GPM6A: variants seen among roughly 807,000 people sequenced by gnomAD.
GPM6A encodes neuronal membrane glycoprotein M6-a.
A neutral mutation model predicts 32.1 loss-of-function variants in GPM6A; 7 were observed. That is an observed-to-expected ratio of 0.22 (90% CI 0.12 to 0.41). The LOEUF (loss-of-function observed/expected upper bound fraction) is 0.41, where lower values mean the gene tolerates loss of function less well. GPM6A is among the 10% of genes least tolerant of loss of function. The pLI is 1.00. For synonymous variants in GPM6A, 130 were observed against 123.4 expected, an observed-to-expected ratio of 1.05 and a Z score of -0.35; for missense variants, 235 against 347.2, an observed-to-expected ratio of 0.68 and a Z score of 2.57.
In GPM6A at chr4:175,895,281, C is replaced by G. The variant is rs61142352; in HGVS notation, c.-22-83032G>C. ...AAGGGCTGGAATAAACTAAATGACTCCATTTGGTTGCTATAAAGAATACGT... is the reference window on the plus strand; with the variant it reads ...AAGGGCTGGAATAAACTAAATGACTGCATTTGGTTGCTATAAAGAATACGT... On this transcript the variant is annotated intron_variant, in intron 1 of 7. Transcript: ENST00000280187. Among the ~76,000 whole-genome samples the G allele has an allele frequency of 4.9e-3, 749 of 152,040 alleles. 5 individuals carry two copies. The highest frequency in any genetic ancestry group is 0.017 in the African/African-American group (716 of 41,472).
chr4:175,897,609 C>T (rs1737837270), intron 1 of GPM6A, among the ~76,000 whole-genome samples: 1 of 152,060 alleles, frequency 6.6e-6, no homozygotes, highest in East Asian at 1.9e-4. Flanking sequence ...TTATTTCTTG[C>T]TTAAACTGTA....
At chr4:175,680,747 T>G (rs892559627) in intron 2 of GPM6A, among the ~76,000 whole-genome samples, 2 of 152,220 alleles carry the variant, frequency 1.3e-5, no homozygotes, top group Admixed American at 1.3e-4. Flanking sequence ...GATCCTTGAT[T>G]ATCTTTACTG....
intron 1 of GPM6A, among the ~76,000 whole-genome samples, chr4:175,870,848 A>G (rs1342227109): frequency 6.6e-6 from 1 of 152,166 alleles, no homozygotes; most frequent in African/African-American, 2.4e-5. Flanking sequence ...AGTCCTCTCT[A>G]TAAAACAGGG....
intron 2 of GPM6A, among the ~76,000 whole-genome samples, chr4:175,687,674 CTT>C (rs1444632153): frequency 1.3e-5 from 2 of 152,060 alleles, no homozygotes; most frequent in African/African-American, 4.8e-5. Context: ...GATATGAACT[CTT>C]TTGTATTAAT....
chr4:175,669,753 C>T (rs1351465435), intron 3 of GPM6A, among the ~76,000 whole-genome samples: 2 of 152,074 alleles, frequency 1.3e-5, no homozygotes, highest in Middle Eastern at 3.2e-3. Flanking sequence ...CAGAGATTGA[C>T]CTTATTGCTC....
upstream of GPM6A, among the ~76,000 whole-genome samples, chr4:175,815,209 T>G (rs1476642861): frequency 6.6e-6 from 1 of 152,090 alleles, no homozygotes; most frequent in Non-Finnish European, 1.5e-5. Flanking sequence ...CCGGGTTGGT[T>G]TCACCATGTT....
chr4:175,687,859 G>T (rs531724201), intron 2 of GPM6A, among the ~76,000 whole-genome samples: 9 of 152,100 alleles, frequency 5.9e-5, no homozygotes, highest in African/African-American at 2.2e-4. Context: ...GTCTTATTTT[G>T]TTGTTTGTAA....
intron 1 of GPM6A, among the ~76,000 whole-genome samples, chr4:175,943,173 C>T (rs990002883): frequency 2.0e-5 from 3 of 152,056 alleles, no homozygotes; most frequent in African/African-American, 4.8e-5. Flanking sequence ...CATGATTTGG[C>T]TCTCTGTTTG....
At chr4:175,999,543 A>G (rs1415399114) in intron 1 of GPM6A, among the ~76,000 whole-genome samples, 1 of 151,680 alleles carries the variant, frequency 6.6e-6, no homozygotes, top group Non-Finnish European at 1.5e-5. Flanking sequence ...TTTTTTTACA[A>G]TCAGCCTTGT....
chr4:175,841,362 A>G (rs1300142358), intron 1 of GPM6A, among the ~76,000 whole-genome samples: 2 of 152,142 alleles, frequency 1.3e-5, no homozygotes, highest in Admixed American at 1.3e-4. Context: ...GGAGCTAAAC[A>G]TTCATATTTA....
intron 1 of GPM6A, among the ~76,000 whole-genome samples, chr4:175,752,939 A>T (rs1732393644): frequency 6.6e-6 from 1 of 152,176 alleles, no homozygotes; most frequent in Non-Finnish European, 1.5e-5. Context: ...CAACGTGTGA[A>T]CAACTAAAGA....
chr4:175,704,361 A>C, intron 1 of GPM6A, among the ~76,000 whole-genome samples: 1 of 149,730 alleles, frequency 6.7e-6, no homozygotes, highest in Non-Finnish European at 1.5e-5. Flanking sequence ...ACGCCCCCCC[A>C]CCCCACACAC....
chr4:175,894,479 C>A (rs1249264704), intron 1 of GPM6A, among the ~76,000 whole-genome samples: 1 of 152,064 alleles, frequency 6.6e-6, no homozygotes, highest in Non-Finnish European at 1.5e-5. Context: ...AATAGCTGCT[C>A]CATTCTGCCC....
chr4:175,845,410 C>A (rs1190008804), intron 1 of GPM6A, among the ~76,000 whole-genome samples: 1 of 152,062 alleles, frequency 6.6e-6, no homozygotes, highest in East Asian at 1.9e-4. Context: ...AGACATGGAA[C>A]CCACCATTAT....
chr4:175,935,755 A>G (rs1739198009), intron 1 of GPM6A, among the ~76,000 whole-genome samples: 1 of 152,118 alleles, frequency 6.6e-6, no homozygotes, highest in African/African-American at 2.4e-5. Flanking sequence ...TAACCCCAAT[A>G]AAAATTTTAT....
Position 175,799,671 on chromosome 4 carries a change from C to CTTTTTT in GPM6A, c.37+12514_37+12519dup, listed in dbSNP as rs374571140. Among the ~76,000 whole-genome samples the CTTTTTT allele has an allele frequency of 9.4e-4, 115 of 122,068 alleles. 7 individuals are homozygous for CTTTTTT. Among genetic ancestry groups the CTTTTTT allele is most frequent in the Non-Finnish European group, 7.8e-4 (45 of 57,480 alleles). 80.1% of individuals were successfully genotyped at this position (122,068 alleles called of 152,430 possible). The stretch of plus-strand genomic sequence containing the variant: ...TCACCCTAAAAGTAGCAAGTGTTTT[C>CTTTTTT]TTTTTTTTTTTTTTGAGACGGAGTC... On this transcript the variant is annotated intron_variant, in intron 1 of 6. Coordinates refer to ENST00000393658, the MANE Select transcript of GPM6A (RefSeq NM_201591.3).
At chr4:175,925,540 C>T (rs533291137) in intron 1 of GPM6A, among the ~76,000 whole-genome samples, 14 of 152,128 alleles carry the variant, frequency 9.2e-5, no homozygotes, top group African/African-American at 3.1e-4. Flanking sequence ...GAAACTGAAA[C>T]GTGATATAAT....
intron 1 of GPM6A, among the ~76,000 whole-genome samples, chr4:175,894,866 G>A (rs1737750642): frequency 6.6e-6 from 1 of 152,106 alleles, no homozygotes; most frequent in Admixed American, 6.6e-5. Context: ...AAGAGATTAA[G>A]TATCACATCA....
intron 4 of GPM6A, among the ~76,000 whole-genome samples, chr4:175,646,980 T>G (rs1490270213): frequency 6.6e-6 from 1 of 152,216 alleles, no homozygotes; most frequent in Non-Finnish European, 1.5e-5. Context: ...TGGCAATACT[T>G]TCTGTCTCAG....
Sources: gnomAD v4.1 joint callset for allele counts (sites outside exome capture counted in the v4.1 genomes callset) on GRCh38, gnomAD v4.1.1 for gene constraint, MANE v1.5 for transcripts, NCBI Gene and HGNC (gene_info 2026-07-23, HGNC 2026-07-21) for gene names.